NPAS3: variants seen among roughly 807,000 people sequenced by gnomAD.
NPAS3 encodes the protein neuronal PAS domain-containing protein 3.
Under a neutral mutation model 73.1 loss-of-function variants are expected in NPAS3, and 14 were observed. The observed-to-expected ratio is 0.19, with a 90% CI of 0.13 to 0.30. NPAS3 has a LOEUF of 0.30. Among genes scored for constraint, NPAS3 ranks in the 10% least tolerant of loss-of-function variants. NPAS3 has a pLI of 1.00. For synonymous variants in NPAS3, 620 were observed against 541.5 expected (o/e 1.14, Z -2.01); for missense variants, 1,096 against 1,250.0 (o/e 0.88, Z 1.86).
intron 2 of NPAS3, among the ~76,000 whole-genome samples, chr14:33,183,029 A>C (rs1043009221): frequency 1.4e-4 from 21 of 151,284 alleles, no homozygotes; most frequent in African/African-American, 5.1e-4. Context: ...TCTTCCTTGG[A>C]CTCTTGTCAC....
In NPAS3 at chr14:33,147,597, G is replaced by A. The variant is rs1301681894; in HGVS notation, c.141-67585G>A. Among the ~76,000 whole-genome samples the A allele has an allele frequency of 7.4e-5, 11 of 149,012 alleles. No individual in the cohort carries two copies. In the East Asian group the frequency reaches 1.4e-3, roughly 19 times the overall value. On this transcript the variant is annotated intron_variant, in intron 2 of 11. Coordinates refer to ENST00000356141, the Ensembl canonical transcript of NPAS3. ...GGGGCCTGTTGTGGGGTCGGGGGAG[G>A]GATAGCATTAGGAGATAGACCTTAT...
chr14:33,592,859 C>A (rs976419930), intron 5 of NPAS3, among the ~76,000 whole-genome samples: 1 of 152,028 alleles, frequency 6.6e-6, no homozygotes, highest in Non-Finnish European at 1.5e-5. Flanking sequence ...AGAATGTATG[C>A]CTCAAATCTC....
chr14:33,051,458 A>G (rs2040709200), intron 1 of NPAS3, among the ~76,000 whole-genome samples: 1 of 152,046 alleles, frequency 6.6e-6, no homozygotes, highest in East Asian at 1.9e-4. Flanking sequence ...CTACCTTTCT[A>G]TTTTGAACAC....
rs373241993 is a variant in NPAS3 at position 33,479,915 on chromosome 14, T to TA, written c.469-80196dup. 3.3e-3 allele frequency among the ~76,000 whole-genome samples: 486 copies of TA among 149,190 alleles called. 2 individuals are homozygous for TA. Among genetic ancestry groups the TA allele is most frequent in the Middle Eastern group, 0.017 (5 of 290 alleles). ...GAACCCCTTGCATGACTTAGAGAAT[T>TA]AAAAAAAAAAGTATGGGAAAGACAT... is the stretch of plus-strand genomic sequence containing the variant. On this transcript the variant is annotated intron_variant, in intron 4 of 11. Transcript: ENST00000356141.
chr14:33,490,998 C>G (rs759545681), intron 4 of NPAS3, among the ~76,000 whole-genome samples: 1 of 152,194 alleles, frequency 6.6e-6, no homozygotes, highest in Admixed American at 6.5e-5. Context: ...ACAGCAACGG[C>G]AGCATCTCCT....
intron 2 of NPAS3, among the ~76,000 whole-genome samples, chr14:33,189,097 C>T (rs1175079832): frequency 6.6e-6 from 1 of 152,130 alleles, no homozygotes; most frequent in African/African-American, 2.4e-5. Context: ...ATTGGCTACA[C>T]TTATTGGAAG....
intron 5 of NPAS3, among the ~76,000 whole-genome samples, chr14:33,657,558 T>C (rs1162466793): frequency 6.6e-6 from 1 of 151,456 alleles, no homozygotes. Flanking sequence ...AAAGGACAGA[T>C]GAAAATTGAT....
At position 33,367,157 on chromosome 14, in the gene NPAS3, C is replaced by T. The variant is rs188610688; in HGVS notation, c.386-29C>T. 5.2e-5 allele frequency: 43 copies of T among 820,792 alleles called. No homozygotes were observed. The East Asian group carries it at 1.1e-3, about 20-fold the overall frequency. 50.8% of individuals were successfully genotyped at this position (820,792 alleles called of 1,614,324 possible). A position where few individuals can be genotyped will look rare whatever the true frequency, so the allele number is the denominator to read the frequency against. Reference sequence around the variant, plus strand: ...GAATCAGAGCTCCAACTTAATTGTTCTGTTTTCTTTCTTTCTTTTTCTTTT... The same window carrying T: ...GAATCAGAGCTCCAACTTAATTGTTTTGTTTTCTTTCTTTCTTTTTCTTTT... On this transcript the variant is annotated intron_variant, in intron 3 of 11. Transcript: ENST00000356141.
chr14:33,294,613 T>C (rs1162039570), intron 3 of NPAS3, among the ~76,000 whole-genome samples: 1 of 152,208 alleles, frequency 6.6e-6, no homozygotes, highest in Non-Finnish European at 1.5e-5. Flanking sequence ...TAGTATTGTG[T>C]GATCAGCATG....
At chr14:33,621,785 TAAGTA>T (rs1432194415) in intron 5 of NPAS3, among the ~76,000 whole-genome samples, 1 of 151,926 alleles carries the variant, frequency 6.6e-6, no homozygotes, top group Admixed American at 6.6e-5. Context: ...GAAAAAAACA[TAAGTA>T]AAGGCGAAAT....
At chr14:33,377,291 C>A (rs893973468) in intron 4 of NPAS3, among the ~76,000 whole-genome samples, 1 of 152,174 alleles carries the variant, frequency 6.6e-6, no homozygotes, top group African/African-American at 2.4e-5. Context: ...ATCAAAGTCT[C>A]CTTTGGACTA....
At chr14:33,171,442 C>G (rs145083697) in intron 2 of NPAS3, among the ~76,000 whole-genome samples, 95 of 152,282 alleles carry the variant, frequency 6.2e-4, no homozygotes, top group African/African-American at 2.0e-3. Context: ...CACAGCTTCT[C>G]CATCAGCACT....
At chr14:32,980,530 A>C (rs2037853347) in intron 1 of NPAS3, among the ~76,000 whole-genome samples, 1 of 152,214 alleles carries the variant, frequency 6.6e-6, no homozygotes, top group Non-Finnish European at 1.5e-5. Flanking sequence ...TTTTGTAATG[A>C]GCTGTAAATT....
At chr14:33,295,926 T>G (rs1037908726) in intron 3 of NPAS3, among the ~76,000 whole-genome samples, 4 of 152,226 alleles carry the variant, frequency 2.6e-5, no homozygotes, top group African/African-American at 9.6e-5. Context: ...ATGGTACCCC[T>G]GTATAAATGT....
At chr14:33,326,680 T>C (rs2043724237) in intron 3 of NPAS3, among the ~76,000 whole-genome samples, 1 of 152,174 alleles carries the variant, frequency 6.6e-6, no homozygotes, top group South Asian at 2.1e-4. Context: ...TGAAAAGCTG[T>C]GGCACTGGAA....
intron 2 of NPAS3, among the ~76,000 whole-genome samples, chr14:33,141,693 TTTC>T (rs1193103465): frequency 6.6e-6 from 1 of 152,208 alleles, no homozygotes; most frequent in African/African-American, 2.4e-5. Flanking sequence ...ATTTAGATGG[TTTC>T]TTATGTGTTT....
intron 6 of NPAS3, among the ~76,000 whole-genome samples, chr14:33,703,623 G>C (rs79007202): frequency 0.031 from 4,754 of 152,002 alleles, 94 homozygotes; most frequent in Middle Eastern, 0.041. Flanking sequence ...ATTTATAATG[G>C]TTAAAATCTA....
At chr14:33,379,050 A>C (rs1479206125) in intron 4 of NPAS3, among the ~76,000 whole-genome samples, 6 of 152,160 alleles carry the variant, frequency 3.9e-5, no homozygotes. Context: ...ATAAAGTCAA[A>C]ACTTTTTGTG....
intron 1 of NPAS3, among the ~76,000 whole-genome samples, chr14:32,948,659 C>T (rs2036363039): frequency 6.6e-6 from 1 of 152,046 alleles, no homozygotes. Flanking sequence ...TGGTTCATCT[C>T]CATCACTCTG....
Sources: gnomAD v4.1 joint callset for allele counts (sites outside exome capture counted in the v4.1 genomes callset) on GRCh38, gnomAD v4.1.1 for gene constraint, MANE v1.5 for transcripts, NCBI Gene and HGNC (gene_info 2026-07-23, HGNC 2026-07-21) for gene names.